The following EXOC6B variants were observed in gnomAD, a reference collection of about 807,000 sequenced individuals.
The protein encoded by EXOC6B is exocyst complex component 6B, also known as SEC15 homolog B.
In EXOC6B, 54 loss-of-function variants were observed where a neutral mutation model predicts 113.5. That is an observed-to-expected ratio of 0.48 (90% CI 0.38 to 0.60). EXOC6B has a LOEUF of 0.60. EXOC6B is among the 20% of genes least tolerant of loss of function. EXOC6B has a pLI of 0.00. For missense variants in EXOC6B, 797 were observed against 977.5 expected, an observed-to-expected ratio of 0.82 and a Z score of 2.46; for synonymous variants, 357 against 339.0, an observed-to-expected ratio of 1.05 and a Z score of -0.58.
intron 18 of EXOC6B, among the ~76,000 whole-genome samples, chr2:72,426,801 A>G (rs1695223286): frequency 6.6e-6 from 1 of 152,264 alleles, no homozygotes; most frequent in African/African-American, 2.4e-5. Flanking sequence ...ATTTAGTTCA[A>G]ATATTATCAA....
chr2:72,788,459 A>C (rs1243516223), intron 1 of EXOC6B, among the ~76,000 whole-genome samples: 3 of 152,102 alleles, frequency 2.0e-5, no homozygotes, highest in Non-Finnish European at 4.4e-5. Context: ...TGAGGTATCG[A>C]ATCTGGGGTT....
At chr2:72,787,281 G>A (rs369346030) in intron 1 of EXOC6B, among the ~76,000 whole-genome samples, 12 of 151,408 alleles carry the variant, frequency 7.9e-5, no homozygotes, top group East Asian at 7.8e-4. Context: ...GCGCAATCTC[G>A]GCTCACTGCA....
rs1034822711 is a variant in EXOC6B at position 72,177,933 on chromosome 2, C to T, written c.*1402G>A. On this transcript the variant is annotated 3_prime_UTR_variant, in exon 22 of 22. Coordinates refer to ENST00000272427, the MANE Select transcript of EXOC6B (RefSeq NM_015189.3). ...CATCTTTCTGAAGTGTCTTAAAGTA[C>T]AGTTTCCCCCGACTGACCTCATAGC... 1.3e-5 allele frequency: 2 copies of T among 152,190 alleles called. No homozygotes were observed. The highest frequency in any genetic ancestry group is 2.1e-4 in the South Asian group (1 of 4,826). The allele number at this position is 152,190 out of a possible 1,614,324, so 9.4% of individuals were successfully genotyped here. A position where few individuals can be genotyped will look rare whatever the true frequency, so the allele number is the denominator to read the frequency against.
At chr2:72,452,156 A>T (rs1047624747) in intron 18 of EXOC6B, among the ~76,000 whole-genome samples, 4 of 152,148 alleles carry the variant, frequency 2.6e-5, no homozygotes, top group African/African-American at 9.7e-5. Flanking sequence ...TCCCAACATC[A>T]TTCTTAATGA....
Position 72,573,269 on chromosome 2 carries a change from C to A in EXOC6B, c.846+2223G>T, listed in dbSNP as rs539814124. 2.0e-5 allele frequency among the ~76,000 whole-genome samples: 3 copies of A among 152,316 alleles called. No homozygotes were observed. The East Asian group carries it at 5.8e-4, about 29-fold the overall frequency. On this transcript the variant is annotated intron_variant, in intron 7 of 21. Coordinates refer to ENST00000272427, the MANE Select transcript of EXOC6B (RefSeq NM_015189.3). ...GTACTGTATTATCCAAGGGCACAGA[C>A]TATGTCTAGCCCATAAGCCACAGTA...
chr2:72,543,228 A>G (rs1702712934), intron 8 of EXOC6B, among the ~76,000 whole-genome samples: 1 of 152,184 alleles, frequency 6.6e-6, no homozygotes, highest in Non-Finnish European at 1.5e-5. Context: ...AGAATATGGA[A>G]CACTGTACAG....
intron 6 of EXOC6B, among the ~76,000 whole-genome samples, chr2:72,649,240 T>C (rs1377891642): frequency 6.6e-6 from 1 of 152,096 alleles, no homozygotes; most frequent in East Asian, 1.9e-4. Flanking sequence ...GGATGGTTAA[T>C]GGGCACAAAA....
Position 72,446,659 on chromosome 2 carries a change from T to C in EXOC6B, c.1980+18501A>G, listed in dbSNP as rs1044950466. Among the ~76,000 whole-genome samples, 4 of 151,874 alleles carry C rather than the reference T, an allele frequency of 2.6e-5. No homozygotes were observed. The East Asian group carries it at 5.8e-4, about 22-fold the overall frequency. On this transcript the variant is annotated intron_variant, in intron 18 of 21. Transcript: ENST00000272427. ...GGAAGAAGGAGCAGAGCAGAAAAAA[T>C]AACTACTGGGTACTAGGCTTAATAC...
intron 19 of EXOC6B, among the ~76,000 whole-genome samples, chr2:72,360,537 T>C (rs1178671972): frequency 6.6e-6 from 1 of 152,156 alleles, no homozygotes; most frequent in African/African-American, 2.4e-5. Context: ...GGAGGACTAG[T>C]GTCTGCTGAT....
intron 18 of EXOC6B, among the ~76,000 whole-genome samples, chr2:72,416,046 C>T (rs1441898057): frequency 6.6e-6 from 1 of 152,158 alleles, no homozygotes; most frequent in African/African-American, 2.4e-5. Context: ...TACACGTCAG[C>T]TGTCAGTCAA....
chr2:72,676,641 C>T (rs1040865569), intron 6 of EXOC6B, among the ~76,000 whole-genome samples: 1 of 152,146 alleles, frequency 6.6e-6, no homozygotes, highest in Non-Finnish European at 1.5e-5. Flanking sequence ...AAATTAACAG[C>T]ATATGGCATC....
intron 20 of EXOC6B, among the ~76,000 whole-genome samples, chr2:72,328,912 C>A (rs1417306005): frequency 6.6e-6 from 1 of 152,054 alleles, no homozygotes; most frequent in African/African-American, 2.4e-5. Flanking sequence ...GTAATGACAT[C>A]TTCTAATTCC....
intron 6 of EXOC6B, among the ~76,000 whole-genome samples, chr2:72,634,546 T>C (rs1476603791): frequency 6.6e-6 from 1 of 152,136 alleles, no homozygotes; most frequent in African/African-American, 2.4e-5. Flanking sequence ...AAATCTTACA[T>C]GGTGTCAACA....
At chr2:72,758,870 C>A (rs886392806) in intron 1 of EXOC6B, among the ~76,000 whole-genome samples, 2 of 152,212 alleles carry the variant, frequency 1.3e-5, no homozygotes, top group African/African-American at 4.8e-5. Context: ...CTTCAAAGGA[C>A]CAGTGAGAAC....
chr2:72,686,555 G>C lies in EXOC6B; in HGVS notation c.669+31548C>G, dbSNP rs373508395. On this transcript the variant is annotated intron_variant, in intron 6 of 21. Coordinates refer to ENST00000272427, the MANE Select transcript of EXOC6B (RefSeq NM_015189.3). ...GTATGTGAAAAGTCCGGGTTTCAGA[G>C]ATAAAGAATTAGTGTTCTGTTTTGA... Among the ~76,000 whole-genome samples, 22 of 152,266 alleles carry C rather than the reference G, an allele frequency of 1.4e-4. 2 individuals are homozygous for C. Among genetic ancestry groups the C allele is most frequent in the African/African-American group, 4.6e-4 (19 of 41,560 alleles).
intron 18 of EXOC6B, among the ~76,000 whole-genome samples, chr2:72,420,482 G>A (rs1251050821): frequency 1.3e-5 from 2 of 152,130 alleles, no homozygotes; most frequent in African/African-American, 2.4e-5. Context: ...GTGAGAACAC[G>A]TGGTGTTTGG....
chr2:72,683,646 T>G (rs1676871526), intron 6 of EXOC6B, among the ~76,000 whole-genome samples: 1 of 152,172 alleles, frequency 6.6e-6, no homozygotes, highest in Admixed American at 6.5e-5. Flanking sequence ...ATATAATATT[T>G]AAAAAATTTA....
intron 7 of EXOC6B, among the ~76,000 whole-genome samples, chr2:72,572,685 G>A (rs190637064): frequency 7.4e-4 from 113 of 152,276 alleles, no homozygotes; most frequent in African/African-American, 2.2e-3. Context: ...AGGTCAGAAC[G>A]TCACAGTGGG....
At chr2:72,447,491 G>A (rs1419729266) in intron 18 of EXOC6B, among the ~76,000 whole-genome samples, 1 of 152,020 alleles carries the variant, frequency 6.6e-6, no homozygotes, top group Non-Finnish European at 1.5e-5. Flanking sequence ...AACTCAAGTC[G>A]TTTAGTCACT....
Sources: gnomAD v4.1 joint callset for allele counts (sites outside exome capture counted in the v4.1 genomes callset) on GRCh38, gnomAD v4.1.1 for gene constraint, MANE v1.5 for transcripts, NCBI Gene and HGNC (gene_info 2026-07-23, HGNC 2026-07-21) for gene names.